Variants in IPO11 observed in about 807,000 individuals in gnomAD.
The protein encoded by IPO11 is importin-11.
Under a neutral mutation model 143.2 loss-of-function variants are expected in IPO11, and 66 were observed. That is an observed-to-expected ratio of 0.46 (90% confidence interval 0.38 to 0.57). The LOEUF (loss-of-function observed/expected upper bound fraction) is 0.57, where lower values mean the gene tolerates loss of function less well. Among genes scored for constraint, IPO11 ranks in the 20% least tolerant of loss-of-function variants. IPO11 has a pLI of 0.00. For missense variants in IPO11, 1,026 were observed against 1,141.0 expected (o/e 0.90, Z 1.45); for synonymous variants, 385 against 377.8 (o/e 1.02, Z -0.22).
At chr5:62,598,944 A>G (rs1035168530) in intron 28 of IPO11, among the ~76,000 whole-genome samples, 1 of 152,158 alleles carries the variant, frequency 6.6e-6, no homozygotes, top group Non-Finnish European at 1.5e-5. Context: ...GTAAAAAAAT[A>G]TAAGTAGGAA....
intron 28 of IPO11, among the ~76,000 whole-genome samples, chr5:62,597,268 A>G (rs1745263381): frequency 6.6e-6 from 1 of 152,194 alleles, no homozygotes; most frequent in South Asian, 2.1e-4. Flanking sequence ...AAAAAAAGAA[A>G]CATTAGGAAT....
At chr5:62,539,247 C>A (rs148217989) in intron 24 of IPO11, among the ~76,000 whole-genome samples, 178 of 152,220 alleles carry the variant, frequency 1.2e-3, no homozygotes, top group Middle Eastern at 3.4e-3. Context: ...AGAATCTGTT[C>A]CAAGCCTTTC....
At chr5:62,415,670 G>A (rs111537454) in intron 1 of IPO11, among the ~76,000 whole-genome samples, 5 of 150,844 alleles carry the variant, frequency 3.3e-5, no homozygotes, top group African/African-American at 1.2e-4. Context: ...GTTTCTCCAT[G>A]TTTGTCAGGC....
intron 16 of IPO11, among the ~76,000 whole-genome samples, chr5:62,500,179 G>A (rs1741300783): frequency 6.6e-6 from 1 of 152,152 alleles, no homozygotes; most frequent in Non-Finnish European, 1.5e-5. Flanking sequence ...CAGCTACTCG[G>A]GAGGCTGAGG....
intron 27 of IPO11, among the ~76,000 whole-genome samples, chr5:62,575,450 ACT>A (rs1744282462): frequency 6.6e-6 from 1 of 151,808 alleles, no homozygotes; most frequent in Non-Finnish European, 1.5e-5. Flanking sequence ...AGTCTCTTTT[ACT>A]CTGTCATGTC....
intron 18 of IPO11, 27 bp downstream of exon 18, chr5:62,504,925 T>G: frequency 7.1e-7 from 1 of 1,399,012 alleles, no homozygotes; most frequent in East Asian, 2.4e-5. Context: ...CCAGGTATTT[T>G]TTTTAAAAAA....
chr5:62,563,304 G>T lies in IPO11; in HGVS notation c.2582+2047G>T, dbSNP rs532394896. On this transcript the variant is annotated intron_variant, in intron 27 of 29. Coordinates refer to ENST00000325324, the MANE Select transcript of IPO11 (RefSeq NM_016338.5). ...CTGCTTGTTAGATAAATTAATGAATGGAAAAAAATGAGTTAATAAGACATG... is the reference window on the plus strand; with the variant it reads ...CTGCTTGTTAGATAAATTAATGAATTGAAAAAAATGAGTTAATAAGACATG... Among the ~76,000 whole-genome samples, 23 of 151,984 alleles carry T rather than the reference G, an allele frequency of 1.5e-4. No individual in the cohort carries two copies. The South Asian group carries it at 4.6e-3, about 30-fold the overall frequency.
chr5:62,464,654 A>G (rs1369820466), intron 5 of IPO11, among the ~76,000 whole-genome samples: 1 of 150,828 alleles, frequency 6.6e-6, no homozygotes, highest in African/African-American at 2.4e-5. Flanking sequence ...TTTTTTTTGT[A>G]CTTTTTATAG....
At chr5:62,511,751 T>TAGAGCAA (rs1741754694) in intron 19 of IPO11, among the ~76,000 whole-genome samples, 3 of 152,012 alleles carry the variant, frequency 2.0e-5, no homozygotes, top group African/African-American at 7.3e-5. Context: ...AGGATATTCT[T>TAGAGCAA]TTATTTTTAT....
chr5:62,623,653 T>TC (rs1746453700), intron 29 of IPO11, among the ~76,000 whole-genome samples: 3 of 151,254 alleles, frequency 2.0e-5, no homozygotes, highest in Non-Finnish European at 4.4e-5. Flanking sequence ...TTCTTTTTTT[T>TC]TTTTTTTTTT....
chr5:62,576,431 G>A (rs746225088), intron 27 of IPO11, among the ~76,000 whole-genome samples: 1 of 152,156 alleles, frequency 6.6e-6, no homozygotes. Context: ...AGTAACTGCT[G>A]TTATTATAAG....
Position 62,458,781 on chromosome 5 carries a change from T to C in IPO11, c.516+6848T>C, listed in dbSNP as rs538966434. Among the ~76,000 whole-genome samples, 8 of 152,294 alleles carry C rather than the reference T, an allele frequency of 5.3e-5. No homozygotes were observed. The South Asian group carries it at 1.7e-3, about 32-fold the overall frequency. ...TGGAGGAGACTCAAGGTGACAGACT[T>C]GGTTCAAAAGAAAAGAGCTGTGCGC... On this transcript the variant is annotated intron_variant, in intron 5 of 29. Coordinates refer to ENST00000325324, the MANE Select transcript of IPO11 (RefSeq NM_016338.5).
intron 1 of IPO11, among the ~76,000 whole-genome samples, chr5:62,415,464 C>CTTTTT (rs67290766): frequency 2.0e-5 from 2 of 101,258 alleles, no homozygotes; most frequent in African/African-American, 4.5e-5. Context: ...CCCGTCTTTA[C>CTTTTT]TTTTTTTTTT....
intron 29 of IPO11, among the ~76,000 whole-genome samples, chr5:62,615,960 A>G (rs935834554): frequency 2.0e-5 from 3 of 150,642 alleles, no homozygotes; most frequent in Admixed American, 6.6e-5. Flanking sequence ...ACATGACAAA[A>G]TGGAATTTGC....
At chr5:62,442,914 T>C (rs1744545821) in intron 2 of IPO11, 69 bp from the exon 3 acceptor site, 1 of 791,758 alleles carries the variant, frequency 1.3e-6, no homozygotes, top group African/African-American at 1.8e-5. Flanking sequence ...CCATACTTTA[T>C]TGTGGGTACA....
chr5:62,533,451 A>G (rs1742626989), intron 22 of IPO11, among the ~76,000 whole-genome samples: 1 of 152,048 alleles, frequency 6.6e-6, no homozygotes, highest in East Asian at 1.9e-4. Context: ...ACCTCAGGTG[A>G]TCCACCCACT....
chr5:62,509,054 A>C (rs1382230464), intron 19 of IPO11, among the ~76,000 whole-genome samples: 3 of 152,238 alleles, frequency 2.0e-5, no homozygotes, highest in Non-Finnish European at 2.9e-5. Context: ...AGTTTCAGTA[A>C]AGTCACCATC....
At chr5:62,505,121 A>G (rs752245416) in intron 18 of IPO11, among the ~76,000 whole-genome samples, 3 of 151,698 alleles carry the variant, frequency 2.0e-5, no homozygotes, top group South Asian at 2.1e-4. Context: ...TTGTTTAGCA[A>G]TTTTGTCATC....
chr5:62,559,256 A>G (rs1407999542), intron 26 of IPO11, among the ~76,000 whole-genome samples: 1 of 152,138 alleles, frequency 6.6e-6, no homozygotes, highest in Non-Finnish European at 1.5e-5. Flanking sequence ...TTGTGACAGA[A>G]ATTCTACTGA....
Sources: gnomAD v4.1 joint callset for allele counts (sites outside exome capture counted in the v4.1 genomes callset) on GRCh38, gnomAD v4.1.1 for gene constraint, MANE v1.5 for transcripts, NCBI Gene and HGNC (gene_info 2026-07-23, HGNC 2026-07-21) for gene names.